Variants in N4BP2 observed in about 807,000 individuals in gnomAD.
The protein encoded by N4BP2 is NEDD4-binding protein 2.
In N4BP2, 91 loss-of-function variants were observed where a neutral mutation model predicts 152.8. The observed-to-expected ratio is 0.60, with a 90% confidence interval of 0.50 to 0.71. The LOEUF (loss-of-function observed/expected upper bound fraction) is 0.71, where lower values mean the gene tolerates loss of function less well. Ranked by LOEUF, N4BP2 falls within the 30% of genes least tolerant of loss-of-function variation. N4BP2 has a pLI of 0.00. For synonymous variants in N4BP2, 646 were observed against 705.3 expected (o/e 0.92, Z 1.33); for missense variants, 1,923 against 2,059.1 (o/e 0.93, Z 1.28).
intron 2 of N4BP2, among the ~76,000 whole-genome samples, chr4:40,086,849 G>A (rs1284081985): frequency 2.0e-5 from 3 of 152,018 alleles, no homozygotes; most frequent in Non-Finnish European, 4.4e-5. Context: ...CTGGGCTGAA[G>A]TGATCCTCCC....
intron 1 of N4BP2, among the ~76,000 whole-genome samples, chr4:40,067,729 C>T (rs548925778): frequency 3.3e-5 from 5 of 152,192 alleles, no homozygotes; most frequent in African/African-American, 9.6e-5. Context: ...GACAGAGTCT[C>T]ACTCCGTCAC....
At position 40,147,615 on chromosome 4, in the gene N4BP2, G is replaced by A. The variant is rs529813682; in HGVS notation, c.5143+2815G>A. Reference sequence around the variant, plus strand: ...CCCCCCCACCTCCCTCCCGGACGGGGCGGCTGGCCGGGCGGGGGCTGACCC... The same window carrying A: ...CCCCCCCACCTCCCTCCCGGACGGGACGGCTGGCCGGGCGGGGGCTGACCC... On this transcript the variant is annotated intron_variant, in intron 16 of 17. Transcript: ENST00000261435. 3.3e-5 allele frequency among the ~76,000 whole-genome samples: 5 copies of A among 150,730 alleles called. No homozygotes were observed. In the East Asian group the frequency reaches 8.0e-4, roughly 24 times the overall value.
intron 2 of N4BP2, among the ~76,000 whole-genome samples, chr4:40,095,025 G>A (rs1455431914): frequency 1.3e-5 from 2 of 151,938 alleles, no homozygotes; most frequent in African/African-American, 4.8e-5. Context: ...TGATCCTCCT[G>A]CCCATTGTCC....
chr4:40,085,753 C>A (rs1713877763), intron 2 of N4BP2, among the ~76,000 whole-genome samples: 1 of 152,112 alleles, frequency 6.6e-6, no homozygotes, highest in African/African-American at 2.4e-5. Context: ...GAGAAGAAAG[C>A]CAGTTCTTGG....
intron 14 of N4BP2, among the ~76,000 whole-genome samples, chr4:40,141,484 C>A (rs1444217595): frequency 9.6e-5 from 13 of 135,028 alleles, no homozygotes; most frequent in South Asian, 7.8e-4. Flanking sequence ...ACATCTCAGA[C>A]GATGGGCGGC....
intron 7 of N4BP2, among the ~76,000 whole-genome samples, chr4:40,115,588 A>G (rs1717269040): frequency 1.3e-5 from 2 of 152,142 alleles, no homozygotes; most frequent in Admixed American, 6.6e-5. Context: ...GTTATTTTCT[A>G]GTTTGCATTA....
chr4:40,095,295 C>T (rs778277698), intron 2 of N4BP2, among the ~76,000 whole-genome samples: 19 of 151,862 alleles, frequency 1.3e-4, no homozygotes, highest in South Asian at 6.2e-4. Flanking sequence ...TGGCCAGGCC[C>T]GTCTCAAACT....
At chr4:40,111,175 C>G (rs1468248679) in intron 5 of N4BP2, among the ~76,000 whole-genome samples, 1 of 152,164 alleles carries the variant, frequency 6.6e-6, no homozygotes, top group Non-Finnish European at 1.5e-5. Flanking sequence ...ACCCTTCACT[C>G]ATTTATCCTT....
At chr4:40,151,921 A>C (rs1370902662) in intron 16 of N4BP2, among the ~76,000 whole-genome samples, 3 of 152,052 alleles carry the variant, frequency 2.0e-5, no homozygotes, top group Admixed American at 1.3e-4. Flanking sequence ...TTTAATAAGC[A>C]GACCGTGGAA....
At chr4:40,131,096 T>A (rs1010221915) in intron 12 of N4BP2, among the ~76,000 whole-genome samples, 1 of 152,222 alleles carries the variant, frequency 6.6e-6, no homozygotes, top group Non-Finnish European at 1.5e-5. Context: ...AGCTTGTTTG[T>A]ACACTGTAGT....
intron 17 of N4BP2, 142 bp from the exon 18 acceptor site, chr4:40,154,050 C>CT: frequency 1.7e-6 from 1 of 595,954 alleles, no homozygotes; most frequent in Non-Finnish European, 2.9e-6. Context: ...AGATGTTGGT[C>CT]TTGGATATTG....
intron 2 of N4BP2, among the ~76,000 whole-genome samples, chr4:40,082,094 G>A (rs1432815418): frequency 6.6e-6 from 1 of 151,826 alleles, no homozygotes; most frequent in Non-Finnish European, 1.5e-5. Context: ...CTTGGGCAAC[G>A]AGCGAAACTC....
At chr4:40,189,036 C>T in the N4BP2 span, among the ~76,000 whole-genome samples, 1 of 152,044 alleles carries the variant, frequency 6.6e-6, no homozygotes, top group African/African-American at 2.4e-5. This position sits in a 1 kb window ranked among gnomAD's most constrained non-coding sequence, Gnocchi z 4.3. Flanking sequence ...ATTCCAGCTA[C>T]TCAGGAGGCT....
chr4:40,120,638 T>C lies in N4BP2; in HGVS notation c.2527T>C (p.Ser843Pro), dbSNP rs1421777904. The stretch of plus-strand genomic sequence containing the variant: ...TACAGATTGTGTCCAGCAACGAGGA[T>C]CTCCACATGAAAGTGTAGAGGATGG... ...VNTDCVQQRG[S>P]PHESVEDGRK... The change falls in exon 9 of 18, where the codon TCT becomes CCT. Residue 843 changes from serine (S) to proline (P), a missense_variant. By Grantham distance (74) the Ser-to-Pro change is moderately conservative. Coordinates refer to ENST00000261435, the MANE Select transcript of N4BP2 (RefSeq NM_018177.6). 3 of 1,614,108 alleles carry C rather than the reference T, an allele frequency of 1.9e-6. No homozygotes were observed. The East Asian group carries it at 6.7e-5, about 36-fold the overall frequency.
rs11384930 is a variant in N4BP2 at position 40,066,320 on chromosome 4, C to CTTT, written c.-211-7121_-211-7119dup. ...TCAGGATTTCTATTTGTGATTTTCC[C>CTTT]TTTTTTTTTTTTTTTTGAGACAGTG... is the stretch of plus-strand genomic sequence containing the variant. On this transcript the variant is annotated intron_variant, in intron 1 of 17. Transcript: ENST00000261435. Among the ~76,000 whole-genome samples the CTTT allele has an allele frequency of 1.6e-3, 212 of 129,032 alleles. 2 individuals carry two copies. The highest frequency in any genetic ancestry group is 5.4e-3 in the African/African-American group (183 of 34,098). 84.7% of individuals were successfully genotyped at this position (129,032 alleles called of 152,430 possible).
chr4:40,111,580 A>G (rs1385068314), intron 5 of N4BP2, among the ~76,000 whole-genome samples: 1 of 151,252 alleles, frequency 6.6e-6, no homozygotes, highest in Non-Finnish European at 1.5e-5. Flanking sequence ...TGGCCTCCCA[A>G]AGTGCTGGGA....
chr4:40,118,630 G>A (rs1372751030), intron 8 of N4BP2, among the ~76,000 whole-genome samples: 1 of 152,014 alleles, frequency 6.6e-6, no homozygotes, highest in African/African-American at 2.4e-5. Context: ...TTTACTTGAC[G>A]CTCGCTGCTA....
In N4BP2 at chr4:40,102,396, C is replaced by A; in HGVS notation, c.551C>A (p.Ser184Ter). 6.2e-7 allele frequency: 1 copy of A among 1,611,516 alleles called. No homozygotes were observed. Among genetic ancestry groups the A allele is most frequent in the Non-Finnish European group, 8.5e-7 (1 of 1,178,976 alleles). Residue 184 changes from serine (S) to a stop codon, truncating the protein, a stop_gained, in exon 4 of 18, where the codon TCA (serine) becomes TAA (stop). Transcript: ENST00000261435. LOFTEE classifies it high-confidence loss of function. ...TCAAGTGAGTTTATAAATCCTGATT[C>A]AAGTAATATGACTCCCATTTTTTCT... ...NDSSEFINPD[S>*]SNMTPIFSTQ...
chr4:40,116,103 A>G (rs1480276427), intron 7 of N4BP2, among the ~76,000 whole-genome samples: 1 of 152,106 alleles, frequency 6.6e-6, no homozygotes, highest in African/African-American at 2.4e-5. Context: ...TCTAATATTG[A>G]TAGACCTACA....
Sources: allele counts gnomAD v4.1 joint callset (sites outside exome capture counted in the v4.1 genomes callset), GRCh38; gene constraint gnomAD v4.1.1; non-coding constraint Gnocchi (gnomAD v3.1); transcripts MANE v1.5; gene names NCBI Gene and HGNC (gene_info 2026-07-23, HGNC 2026-07-21).